The following KIZ variants were observed in gnomAD, a reference collection of about 807,000 sequenced individuals.
KIZ encodes the protein kizuna centrosomal protein.
KIZ carries 68 observed loss-of-function variants against 79.6 expected under a neutral mutation model. That is an observed-to-expected ratio of 0.85 (90% CI 0.70 to 1.05). KIZ has a LOEUF of 1.05. Ranked by LOEUF, KIZ falls within the 50% of genes least tolerant of loss-of-function variation. KIZ has a pLI of 0.00. For synonymous variants in KIZ, 280 were observed against 281.8 expected (o/e 0.99, Z 0.06); for missense variants, 797 against 800.4 (o/e 1.00, Z 0.05).
chr20:21,184,586 CTT>C (rs2034796258), intron 6 of KIZ, among the ~76,000 whole-genome samples: 1 of 152,134 alleles, frequency 6.6e-6, no homozygotes, highest in East Asian at 1.9e-4. Flanking sequence ...TAGTGACAGA[CTT>C]TTGGAAAAAC....
At chr20:21,193,700 T>C (rs2035211760) in intron 6 of KIZ, among the ~76,000 whole-genome samples, 2 of 151,844 alleles carry the variant, frequency 1.3e-5, no homozygotes, top group South Asian at 4.2e-4. Context: ...TTCATGTCCT[T>C]TGTAGGGACA....
At chr20:21,169,211 T>C (rs2034092596) in intron 6 of KIZ, among the ~76,000 whole-genome samples, 1 of 151,930 alleles carries the variant, frequency 6.6e-6, no homozygotes, top group African/African-American at 2.4e-5. Flanking sequence ...ATCCAGAATC[T>C]ACAATGAACT....
intron 6 of KIZ, among the ~76,000 whole-genome samples, chr20:21,168,912 C>T (rs1288751842): frequency 6.6e-6 from 1 of 152,128 alleles, no homozygotes; most frequent in Non-Finnish European, 1.5e-5. Flanking sequence ...GCCTTCCTTA[C>T]ACCTTATACA....
At chr20:21,206,787 T>C (rs2035844325) in intron 7 of KIZ, among the ~76,000 whole-genome samples, 1 of 152,156 alleles carries the variant, frequency 6.6e-6, no homozygotes, top group Non-Finnish European at 1.5e-5. Context: ...GAGGGAGCCC[T>C]GCCCTGGTTC....
chr20:21,185,690 C>T (rs912122637), intron 6 of KIZ, among the ~76,000 whole-genome samples: 26 of 150,836 alleles, frequency 1.7e-4, no homozygotes, highest in African/African-American at 5.4e-4. Context: ...GGATTACAAG[C>T]GTGAGCCACC....
At position 21,226,599 on chromosome 20, in the gene KIZ, C is replaced by T. The variant is rs143067557; in HGVS notation, c.1679-2412C>T. 2.0e-5 allele frequency among the ~76,000 whole-genome samples: 3 copies of T among 152,328 alleles called. No individual in the cohort carries two copies. The East Asian group carries it at 5.8e-4, about 29-fold the overall frequency. Reference sequence around the variant, plus strand: ...ACAGTTGGGCGGCAGCAGTGCTAGGCGCTCTGCCCTCTCCCGCAACTTTGA... The same window carrying T: ...ACAGTTGGGCGGCAGCAGTGCTAGGTGCTCTGCCCTCTCCCGCAACTTTGA... On this transcript the variant is annotated intron_variant, in intron 9 of 12. Transcript: ENST00000619189.
intron 6 of KIZ, among the ~76,000 whole-genome samples, chr20:21,167,510 A>G (rs1231818896): frequency 8.0e-5 from 12 of 150,744 alleles, no homozygotes; most frequent in Admixed American, 7.9e-4. Context: ...GGCTATCTAC[A>G]TTAACCAACA....
intron 4 of KIZ, among the ~76,000 whole-genome samples, chr20:21,154,700 T>C (rs2033288966): frequency 6.6e-6 from 1 of 152,252 alleles, no homozygotes; most frequent in African/African-American, 2.4e-5. Context: ...ATTCCTAATA[T>C]TATTCCTGTG....
chr20:21,221,599 CTG>C (rs1357928448), intron 9 of KIZ, among the ~76,000 whole-genome samples: 1 of 152,186 alleles, frequency 6.6e-6, no homozygotes, highest in African/African-American at 2.4e-5. Context: ...GGTTGCCTGA[CTG>C]TGCCATTCCT....
At chr20:21,209,351 C>T (rs2035968094) in intron 7 of KIZ, among the ~76,000 whole-genome samples, 1 of 152,138 alleles carries the variant, frequency 6.6e-6, no homozygotes, top group African/African-American at 2.4e-5. Flanking sequence ...TACAAGATGC[C>T]TTAATATTAC....
chr20:21,135,288 C>T (rs750142210), intron 2 of KIZ, among the ~76,000 whole-genome samples: 1 of 152,132 alleles, frequency 6.6e-6, no homozygotes, highest in Non-Finnish European at 1.5e-5. Context: ...CGGGTAGACA[C>T]CACCAGCAGC....
At chr20:21,163,999 G>A (rs187240309) in intron 6 of KIZ, among the ~76,000 whole-genome samples, 17 of 152,224 alleles carry the variant, frequency 1.1e-4, no homozygotes, top group African/African-American at 2.4e-4. Flanking sequence ...AACGAAGGCC[G>A]GGGCAGAGTG....
At chr20:21,211,697 A>G (rs1209753367) in intron 7 of KIZ, among the ~76,000 whole-genome samples, 3 of 152,238 alleles carry the variant, frequency 2.0e-5, no homozygotes, top group Admixed American at 6.5e-5. Context: ...TCAGACTGCA[A>G]ACTCCTTCAG....
At chr20:21,181,238 C>T (rs2122914822) in intron 6 of KIZ, among the ~76,000 whole-genome samples, 2 of 152,264 alleles carry the variant, frequency 1.3e-5, no homozygotes, top group East Asian at 3.9e-4. Flanking sequence ...TGCAAAGTGT[C>T]TTTTCCTCAC....
intron 6 of KIZ, among the ~76,000 whole-genome samples, chr20:21,181,932 G>A (rs1353306880): frequency 2.0e-5 from 3 of 152,234 alleles, no homozygotes; most frequent in African/African-American, 7.2e-5. Context: ...GGTAGAGCAG[G>A]CCATGGAGTT....
intron 4 of KIZ, among the ~76,000 whole-genome samples, chr20:21,146,814 C>T (rs1176434764): frequency 2.0e-5 from 3 of 151,704 alleles, no homozygotes; most frequent in Non-Finnish European, 4.4e-5. Flanking sequence ...GTTTTCCTTC[C>T]TCATAGATTA....
In KIZ at chr20:21,163,139, C is replaced by T; in HGVS notation, c.1332C>T (p.Ser444=). Residue 444 remains serine, a synonymous_variant, in exon 6 of 13, where the codon TCC becomes TCT. Transcript: ENST00000619189. ...CTCCTGATTCAGAAAAGGAATCCTC[C>T]ACTAACGCACCAACAAGAGAGTAAG... ...LSSPDSEKES[S]TNAPTREPGQ... 1 of 1,609,652 alleles carries T rather than the reference C, an allele frequency of 6.2e-7. No individual in the cohort carries two copies. Among genetic ancestry groups the T allele is most frequent in the Non-Finnish European group, 8.5e-7 (1 of 1,178,098 alleles).
At chr20:21,177,041 C>T (rs920949294) in intron 6 of KIZ, among the ~76,000 whole-genome samples, 1 of 152,194 alleles carries the variant, frequency 6.6e-6, no homozygotes. Context: ...TTCGCTATTG[C>T]GAATAGTGCT....
At chr20:21,154,204 T>C (rs1388332234) in intron 4 of KIZ, 1 of 152,150 alleles carries the variant, frequency 6.6e-6, no homozygotes, top group Non-Finnish European at 1.5e-5. Flanking sequence ...TCTGTGAAGA[T>C]AATAAGAAGA....
Sources: allele counts gnomAD v4.1 joint callset (sites outside exome capture counted in the v4.1 genomes callset), GRCh38; gene constraint gnomAD v4.1.1; transcripts MANE v1.5; gene names NCBI Gene and HGNC (gene_info 2026-07-23, HGNC 2026-07-21).